Variants in EPHA3 observed in about 807,000 individuals in gnomAD.
EPHA3 encodes ephrin type-A receptor 3.
A neutral mutation model predicts 107.1 loss-of-function variants in EPHA3; 42 were observed. The observed-to-expected ratio is 0.39, with a 90% confidence interval of 0.31 to 0.51. The LOEUF is 0.51. Ranked by LOEUF, EPHA3 falls within the 20% of genes least tolerant of loss-of-function variation. EPHA3 has a pLI of 0.78. For missense variants in EPHA3, 1,183 were observed against 1,211.2 expected (o/e 0.98, Z 0.35); for synonymous variants, 461 against 424.8 (o/e 1.09, Z -1.05).
At chr3:89,256,694 T>C (rs543280170) in intron 3 of EPHA3, among the ~76,000 whole-genome samples, 2 of 152,376 alleles carry the variant, frequency 1.3e-5, no homozygotes, top group African/African-American at 2.4e-5. Context: ...AATGCATGAA[T>C]TTCAAGCCCA....
intron 3 of EPHA3, among the ~76,000 whole-genome samples, chr3:89,211,422 A>G (rs1409591396): frequency 6.6e-6 from 1 of 152,054 alleles, no homozygotes; most frequent in East Asian, 1.9e-4. Context: ...AAATAAATAT[A>G]TAGGAGAAGT....
chr3:89,344,868 G>A (rs142464360), intron 5 of EPHA3, among the ~76,000 whole-genome samples: 5 of 151,750 alleles, frequency 3.3e-5, no homozygotes, highest in South Asian at 2.1e-4. Flanking sequence ...TTGTAAATTC[G>A]GATATTAGTT....
chr3:89,331,159 A>T (rs1291072256), intron 3 of EPHA3, among the ~76,000 whole-genome samples: 1 of 152,174 alleles, frequency 6.6e-6, no homozygotes, highest in Non-Finnish European at 1.5e-5. Flanking sequence ...CTGCACGCAC[A>T]TGCACCCAAA....
rs138974536 is a variant in EPHA3 at position 89,210,506 on chromosome 3, G to A, written c.800G>A (p.Gly267Asp). 5.4e-5 allele frequency: 83 copies of A among 1,549,884 alleles called. No individual in the cohort carries two copies. The highest frequency in any genetic ancestry group is 6.9e-5 in the Non-Finnish European group (79 of 1,152,852). Residue 267 changes from glycine to aspartate, a missense_variant, in exon 3 of 17, where the codon GGT (glycine) becomes GAT (aspartate). Coordinates refer to ENST00000336596, the MANE Select transcript of EPHA3 (RefSeq NM_005233.6). ...TGCAATGCTGGCTATGAAGAAAGAG[G>A]TTTTATGTGCCAAGGTAAGAGCCTT... ...CSCNAGYEER[G>D]FMCQACRPGF...
chr3:89,416,669 G>T (rs191195630), intron 10 of EPHA3, among the ~76,000 whole-genome samples: 2 of 150,986 alleles, frequency 1.3e-5, no homozygotes, highest in Non-Finnish European at 3.0e-5. Flanking sequence ...ATATATTGGC[G>T]GCTATTTCTA....
At chr3:89,140,406 G>A (rs990194745) in intron 2 of EPHA3, among the ~76,000 whole-genome samples, 1 of 151,670 alleles carries the variant, frequency 6.6e-6, no homozygotes, top group Non-Finnish European at 1.5e-5. Context: ...TCTCTAAATT[G>A]TTGGCTTTAT....
intron 3 of EPHA3, among the ~76,000 whole-genome samples, chr3:89,237,959 A>G (rs758893737): frequency 2.6e-4 from 40 of 151,812 alleles, no homozygotes; most frequent in Non-Finnish European, 4.6e-4. Flanking sequence ...AGCCTGGGCT[A>G]CAGAGTGAGA....
At chr3:89,273,664 C>T (rs1394595632) in intron 3 of EPHA3, among the ~76,000 whole-genome samples, 1 of 151,790 alleles carries the variant, frequency 6.6e-6, no homozygotes, top group East Asian at 1.9e-4. Context: ...ACAAGTTTAG[C>T]TTCCTGAGGG....
intron 3 of EPHA3, among the ~76,000 whole-genome samples, chr3:89,302,768 C>G (rs1576299599): frequency 6.6e-6 from 1 of 152,170 alleles, no homozygotes; most frequent in East Asian, 1.9e-4. Flanking sequence ...TATTTTATGT[C>G]TCAAGTTCTG....
chr3:89,250,724 GA>G (rs1377789869), intron 3 of EPHA3, among the ~76,000 whole-genome samples: 1 of 152,164 alleles, frequency 6.6e-6, no homozygotes, highest in East Asian at 1.9e-4. Flanking sequence ...CCATTAGCAA[GA>G]TCCTTTTCTA....
At chr3:89,397,298 A>T (rs1708868979) in intron 6 of EPHA3, among the ~76,000 whole-genome samples, 2 of 152,198 alleles carry the variant, frequency 1.3e-5, no homozygotes, top group Non-Finnish European at 2.9e-5. Context: ...CTACTGTGGT[A>T]AAGTCAAATA....
intron 5 of EPHA3, among the ~76,000 whole-genome samples, chr3:89,387,701 A>ATATTTTTTTTTTTTTT (rs1708649270): frequency 1.3e-5 from 2 of 152,256 alleles, no homozygotes; most frequent in African/African-American, 4.8e-5. Context: ...AGACTTTTAT[A>ATATTTTTTTTTTTTTT]TTTTTATAAC....
At chr3:89,186,013 T>TTTCTCTCTCTC (rs1293283340) in intron 2 of EPHA3, among the ~76,000 whole-genome samples, 15 of 152,114 alleles carry the variant, frequency 9.9e-5, no homozygotes, top group Admixed American at 2.6e-4. Context: ...TTCTCTTTTT[T>TTTCTCTCTCTC]CTTTCTCTCT....
chr3:89,222,523 A>G (rs1250656598), intron 3 of EPHA3, among the ~76,000 whole-genome samples: 1 of 149,624 alleles, frequency 6.7e-6, no homozygotes, highest in Non-Finnish European at 1.5e-5. Flanking sequence ...AAATATATGT[A>G]TGTATAGATG....
At chr3:89,216,702 A>G (rs542340697) in intron 3 of EPHA3, among the ~76,000 whole-genome samples, 1 of 152,138 alleles carries the variant, frequency 6.6e-6, no homozygotes, top group Admixed American at 6.5e-5. Context: ...TGTAAAGAAC[A>G]TTCATCTTCA....
chr3:89,469,003 T>A (rs544089341), intron 15 of EPHA3, among the ~76,000 whole-genome samples: 35 of 152,320 alleles, frequency 2.3e-4, no homozygotes, highest in Non-Finnish European at 3.7e-4. Flanking sequence ...TGAAATGTTA[T>A]ATTGATATTT....
intron 3 of EPHA3, among the ~76,000 whole-genome samples, chr3:89,254,391 G>A (rs566567803): frequency 1.2e-4 from 18 of 152,244 alleles, no homozygotes; most frequent in Non-Finnish European, 2.1e-4. Context: ...AGGAGCCATC[G>A]AATGGATAAA....
intron 2 of EPHA3, among the ~76,000 whole-genome samples, chr3:89,196,201 C>T (rs1183517470): frequency 1.3e-5 from 2 of 152,086 alleles, no homozygotes; most frequent in African/African-American, 4.8e-5. Context: ...CTTGTCTCAT[C>T]CTTTGAGGTT....
At chr3:89,471,877 G>A (rs888708964) in intron 15 of EPHA3, among the ~76,000 whole-genome samples, 1 of 151,896 alleles carries the variant, frequency 6.6e-6, no homozygotes, top group African/African-American at 2.4e-5. Context: ...AAGTATGCAA[G>A]AATGTTTTTT....
Sources: allele counts gnomAD v4.1 joint callset (sites outside exome capture counted in the v4.1 genomes callset), GRCh38; gene constraint gnomAD v4.1.1; transcripts MANE v1.5; gene names NCBI Gene and HGNC (gene_info 2026-07-23, HGNC 2026-07-21).